CAMK1D: variants seen among roughly 807,000 people sequenced by gnomAD.
CAMK1D encodes calcium/calmodulin dependent protein kinase ID, also known as calcium/calmodulin-dependent protein kinase type 1D.
A neutral mutation model predicts 47.7 loss-of-function variants in CAMK1D; 9 were observed. The ratio of observed to expected loss-of-function variants is 0.19; its 90% CI spans 0.11 to 0.33. CAMK1D has a LOEUF of 0.33. Among genes scored for constraint, CAMK1D ranks in the 10% least tolerant of loss-of-function variants. The probability of loss-of-function intolerance (pLI) is 1.00; values close to 1 mark genes in which losing one functional copy is unlikely to be tolerated. For missense variants in CAMK1D, 291 were observed against 488.7 expected (o/e 0.60, Z 3.81); for synonymous variants, 184 against 184.9 (o/e 0.99, Z 0.04).
chr10:12,446,082 C>G (rs200018765), intron 1 of CAMK1D, among the ~76,000 whole-genome samples: 6 of 152,150 alleles, frequency 3.9e-5, no homozygotes, highest in Admixed American at 3.3e-4. Context: ...ATTACTTCAT[C>G]CTTCAGCCTG....
At chr10:12,544,819 TAGTA>T in intron 1 of CAMK1D, among the ~76,000 whole-genome samples, 1 of 115,888 alleles carries the variant, frequency 8.6e-6, no homozygotes. Context: ...GTTGAGTGGA[TAGTA>T]CTAGTGTTAA....
Position 12,766,361 on chromosome 10 carries a change from CTTTTT to C in CAMK1D, c.439-3297_439-3293del, listed in dbSNP as rs61097569. Among the ~76,000 whole-genome samples the C allele has an allele frequency of 2.0e-4, 21 of 103,336 alleles. No homozygotes were observed. In the Admixed American group the frequency reaches 2.4e-3, roughly 12 times the overall value. 67.8% of individuals were successfully genotyped at this position (103,336 alleles called of 152,430 possible). A position where few individuals can be genotyped will look rare whatever the true frequency, so the allele number is the denominator to read the frequency against. On this transcript the variant is annotated intron_variant, in intron 4 of 10. Transcript: ENST00000619168. ...CTGGCCAGCCCCACGTTGCCTGTTT[CTTTTT>C]TTTTTTTTTTTTTTGAGACGGAGTG...
At chr10:12,807,402 C>T (rs1235585965) in intron 6 of CAMK1D, among the ~76,000 whole-genome samples, 2 of 151,476 alleles carry the variant, frequency 1.3e-5, no homozygotes, top group African/African-American at 4.9e-5. Context: ...TCCTCCCGGC[C>T]CATGCTCTGC....
At chr10:12,681,878 AAAAG>A (rs1349361915) in intron 3 of CAMK1D, among the ~76,000 whole-genome samples, 1 of 152,248 alleles carries the variant, frequency 6.6e-6, no homozygotes, top group Non-Finnish European at 1.5e-5. Flanking sequence ...ATATTCCTAC[AAAAG>A]AAAGAAAGAA....
intron 3 of CAMK1D, among the ~76,000 whole-genome samples, chr10:12,717,514 C>A (rs1834193644): frequency 6.6e-6 from 1 of 151,840 alleles, no homozygotes; most frequent in South Asian, 2.1e-4. Context: ...CTGATGAGAA[C>A]AATACATGTA....
chr10:12,354,884 C>T (rs956567709), intron 1 of CAMK1D, among the ~76,000 whole-genome samples: 2 of 144,298 alleles, frequency 1.4e-5, no homozygotes, highest in Non-Finnish European at 3.0e-5. Flanking sequence ...CTCTGTCACT[C>T]AGGCTGGAGT....
chr10:12,734,572 A>G (rs566006793), intron 3 of CAMK1D, among the ~76,000 whole-genome samples: 55 of 146,992 alleles, frequency 3.7e-4, no homozygotes, highest in South Asian at 1.9e-3. Flanking sequence ...ACATATGTGT[A>G]TATATATATA....
At chr10:12,450,605 G>C (rs1833055309) in intron 1 of CAMK1D, among the ~76,000 whole-genome samples, 2 of 152,206 alleles carry the variant, frequency 1.3e-5, no homozygotes, top group Non-Finnish European at 2.9e-5. Context: ...ACAGTGGTTT[G>C]ATGACTTGTG....
chr10:12,485,969 G>T (rs17151762), intron 1 of CAMK1D, among the ~76,000 whole-genome samples: 2,992 of 152,260 alleles, frequency 0.02, 148 homozygotes, highest in Admixed American at 0.11. Flanking sequence ...TTTGAAGGCA[G>T]TTTCCTTCCC....
At chr10:12,507,111 G>A (rs1222837137) in intron 1 of CAMK1D, among the ~76,000 whole-genome samples, 1 of 152,228 alleles carries the variant, frequency 6.6e-6, no homozygotes, top group Non-Finnish European at 1.5e-5. Context: ...ATGAATTTCT[G>A]AAAAGTTCTG....
chr10:12,635,745 G>T (rs897549848), intron 2 of CAMK1D, among the ~76,000 whole-genome samples: 12 of 152,056 alleles, frequency 7.9e-5, no homozygotes, highest in African/African-American at 2.2e-4. Flanking sequence ...CGAAAAGGGG[G>T]TTTTTATCTT....
At chr10:12,777,689 A>C (rs1238654024) in intron 5 of CAMK1D, among the ~76,000 whole-genome samples, 2 of 152,062 alleles carry the variant, frequency 1.3e-5, no homozygotes, top group East Asian at 3.9e-4. Context: ...TGAACTATTA[A>C]TTAAGTGTGG....
intron 3 of CAMK1D, among the ~76,000 whole-genome samples, chr10:12,730,426 C>T (rs1834837381): frequency 6.6e-6 from 1 of 152,154 alleles, no homozygotes; most frequent in Admixed American, 6.5e-5. Flanking sequence ...GAGTTTGAAA[C>T]ATCTGAGTCA....
intron 1 of CAMK1D, among the ~76,000 whole-genome samples, chr10:12,433,535 G>A (rs1395024692): frequency 1.3e-5 from 2 of 152,154 alleles, no homozygotes; most frequent in African/African-American, 4.8e-5. Flanking sequence ...GCGGAATCTG[G>A]TGGTCAGAAT....
intron 1 of CAMK1D, among the ~76,000 whole-genome samples, chr10:12,395,850 C>T (rs1055411898): frequency 1.3e-5 from 2 of 151,790 alleles, no homozygotes; most frequent in African/African-American, 4.8e-5. Flanking sequence ...TTGCATGAAC[C>T]CAGGAGGCGG....
At chr10:12,539,086 G>A (rs1263621826) in intron 1 of CAMK1D, among the ~76,000 whole-genome samples, 1 of 152,106 alleles carries the variant, frequency 6.6e-6, no homozygotes, top group Non-Finnish European at 1.5e-5. Flanking sequence ...TTTTTAGATT[G>A]TAACTTACTT....
chr10:12,626,667 G>A (rs1268656046), intron 2 of CAMK1D, among the ~76,000 whole-genome samples: 2 of 152,060 alleles, frequency 1.3e-5, no homozygotes, highest in Non-Finnish European at 2.9e-5. Context: ...TAGAGACAGG[G>A]TTTCACCATG....
chr10:12,593,803 C>G (rs972486751), intron 2 of CAMK1D, among the ~76,000 whole-genome samples: 1 of 152,186 alleles, frequency 6.6e-6, no homozygotes, highest in Non-Finnish European at 1.5e-5. Flanking sequence ...TCCTCCCAAG[C>G]TTGGGCCACT....
At chr10:12,482,052 C>G (rs895737108) in intron 1 of CAMK1D, among the ~76,000 whole-genome samples, 2 of 152,238 alleles carry the variant, frequency 1.3e-5, no homozygotes, top group African/African-American at 4.8e-5. Flanking sequence ...TTTACCTCCA[C>G]TGTAATGAAA....
Sources: gnomAD v4.1 joint callset for allele counts (sites outside exome capture counted in the v4.1 genomes callset) on GRCh38, gnomAD v4.1.1 for gene constraint, MANE v1.5 for transcripts, NCBI Gene and HGNC (gene_info 2026-07-23, HGNC 2026-07-21) for gene names.